Variants in MAP3K8 observed in about 807,000 individuals in gnomAD.
MAP3K8 encodes the protein mitogen-activated protein kinase kinase kinase 8.
MAP3K8 carries 22 observed loss-of-function variants against 45.8 expected under a neutral mutation model. That is an observed-to-expected ratio of 0.48 (90% CI 0.34 to 0.69). The LOEUF is 0.69. Among genes scored for constraint, MAP3K8 ranks in the 30% least tolerant of loss-of-function variants. The pLI is 0.01. For synonymous variants in MAP3K8, 223 were observed against 214.3 expected (o/e 1.04, Z -0.36); for missense variants, 419 against 585.0 (o/e 0.72, Z 2.93).
intron 6 of MAP3K8, among the ~76,000 whole-genome samples, chr10:30,457,678 C>T (rs1454277056): frequency 6.6e-6 from 1 of 152,140 alleles, no homozygotes; most frequent in African/African-American, 2.4e-5. Flanking sequence ...CTGAGTCTCG[C>T]TCTGTCTCCC....
In MAP3K8 at chr10:30,458,247, TTCAACCA is replaced by T; in HGVS notation, c.1026+12_1026+18del. 1.3e-6 allele frequency: 1 copy of T among 787,738 alleles called. No homozygotes were observed. Among genetic ancestry groups the T allele is most frequent in the South Asian group, 1.7e-5 (1 of 58,922 alleles). The allele number at this position is 787,738 out of a possible 1,614,324, so 48.8% of individuals were successfully genotyped here. A position where few individuals can be genotyped will look rare whatever the true frequency, so the allele number is the denominator to read the frequency against. On this transcript the variant is annotated intron_variant, in intron 7 of 8. Coordinates refer to ENST00000263056, the MANE Select transcript of MAP3K8 (RefSeq NM_005204.4). ...TCCTACCTGTACATAGTAAGTGGGG[TTCAACCA>T]GGGCTGGGGGCGGCGGGGGGGGGCG...
In MAP3K8 at chr10:30,460,887, GGTT is replaced by G. The variant is rs759145878; in HGVS notation, c.*52_*54del. 1 of 1,603,716 alleles carries G rather than the reference GGTT, an allele frequency of 6.2e-7. No individual in the cohort carries two copies. The highest frequency in any genetic ancestry group is 2.2e-5 in the East Asian group (1 of 44,782). On this transcript the variant is annotated 3_prime_UTR_variant, in exon 9 of 9. Coordinates refer to ENST00000263056, the MANE Select transcript of MAP3K8 (RefSeq NM_005204.4). ...AGACAGCATTGATCTCCTGGAGGCTGGTTCTGCTGCCTCTACACAGGGGCCCTG... is the reference window on the plus strand; with the variant it reads ...AGACAGCATTGATCTCCTGGAGGCTGCTGCTGCCTCTACACAGGGGCCCTG...
intron 6 of MAP3K8, among the ~76,000 whole-genome samples, chr10:30,452,157 GA>G (rs1836562479): frequency 6.6e-6 from 1 of 151,180 alleles, no homozygotes; most frequent in Admixed American, 6.6e-5. Flanking sequence ...ATCATAGCAA[GA>G]CCCCATCTCT....
intron 6 of MAP3K8, among the ~76,000 whole-genome samples, chr10:30,454,740 G>A (rs1432492125): frequency 1.3e-5 from 2 of 151,892 alleles, no homozygotes; most frequent in Non-Finnish European, 2.9e-5. Flanking sequence ...TATTCAGAAG[G>A]GAAGCTGTAC....
intron 6 of MAP3K8, among the ~76,000 whole-genome samples, chr10:30,457,084 G>GAA (rs778731032): frequency 7.5e-6 from 1 of 134,070 alleles, no homozygotes. Context: ...ACCCCATCTC[G>GAA]AAAAAAAAAA....
In MAP3K8 at chr10:30,459,488, T is replaced by C. The variant is rs1836858671; in HGVS notation, c.1260T>C (p.Pro420=). The change falls in exon 8 of 9, where the codon CCT becomes CCC. Residue 420 remains proline, a synonymous_variant. Transcript: ENST00000263056. The stretch of plus-strand genomic sequence containing the variant: ...TGAGTAGGAAGGAGCTGGAACTTCC[T>C]GAGAACATTGCTGGTAGGGACACCC... The part of the protein sequence containing the change: ...RLLSRKELEL[P]ENIADSSCTG... The C allele has an allele frequency of 4.3e-6, 7 of 1,613,790 alleles. No individual in the cohort carries two copies. In the East Asian group the frequency reaches 1.3e-4, roughly 31 times the overall value.
chr10:30,434,496 G>A (rs1564361004), intron 1 of MAP3K8, 118 bp downstream of exon 1: 1 of 985,590 alleles, frequency 1.0e-6, no homozygotes, highest in African/African-American at 1.7e-5. Flanking sequence ...CTCTGGCGTG[G>A]GAAGAGGTGG....
chr10:30,448,202 A>G (rs1269507624), intron 4 of MAP3K8, among the ~76,000 whole-genome samples: 1 of 152,134 alleles, frequency 6.6e-6, no homozygotes, highest in Non-Finnish European at 1.5e-5. Context: ...TAAAGCACTG[A>G]TTTGGATAAA....
In MAP3K8 at chr10:30,460,893, G is replaced by T. The variant is rs1836917398; in HGVS notation, c.*57G>T. The T allele has an allele frequency of 6.2e-7, 1 of 1,600,668 alleles. No homozygotes were observed. Among genetic ancestry groups the T allele is most frequent in the African/African-American group, 1.3e-5 (1 of 74,854 alleles). On this transcript the variant is annotated 3_prime_UTR_variant, in exon 9 of 9. Transcript: ENST00000263056. ...CATTGATCTCCTGGAGGCTGGTTCT[G>T]CTGCCTCTACACAGGGGCCCTGTAC...
chr10:30,453,770 G>A (rs8177060), intron 6 of MAP3K8, among the ~76,000 whole-genome samples: 4,238 of 152,064 alleles, frequency 0.028, 87 homozygotes, highest in Non-Finnish European at 0.038. Flanking sequence ...TCTCACACCT[G>A]TAATCCCAAC....
intron 2 of MAP3K8, among the ~76,000 whole-genome samples, chr10:30,438,145 C>T (rs990328633): frequency 4.6e-5 from 7 of 152,154 alleles, no homozygotes; most frequent in African/African-American, 1.7e-4. Context: ...TCTAGAAGGC[C>T]ATTTATTTAG....
chr10:30,451,956 T>C (rs1836554943), intron 6 of MAP3K8, among the ~76,000 whole-genome samples: 1 of 152,138 alleles, frequency 6.6e-6, no homozygotes, highest in Non-Finnish European at 1.5e-5. Flanking sequence ...TGCTATGTTA[T>C]TTATAATACA....
At chr10:30,453,741 T>C (rs544101523) in intron 6 of MAP3K8, among the ~76,000 whole-genome samples, 7 of 151,960 alleles carry the variant, frequency 4.6e-5, no homozygotes, top group African/African-American at 1.7e-4. Flanking sequence ...GAGCAACCGT[T>C]TAGGGATGGG....
rs1554774894 is a variant in MAP3K8, at chr10:30,458,275, G to GA, written c.1026+39_1026+40insA. The GA allele has an allele frequency of 2.2e-6, 3 of 1,355,894 alleles. No homozygotes were observed. The South Asian group carries it at 4.9e-5, about 22-fold the overall frequency. The allele number at this position is 1,355,894 out of a possible 1,614,324, so 84.0% of individuals were successfully genotyped here. ...AACCAGGGCTGGGGGCGGCGGGGGG[G>GA]GGCGTTGAGTTATGCATCCCGCAGG... On this transcript the variant is annotated intron_variant, in intron 7 of 8. Transcript: ENST00000263056.
chr10:30,446,778 A>G (rs1239986198), intron 3 of MAP3K8, among the ~76,000 whole-genome samples: 3 of 152,072 alleles, frequency 2.0e-5, no homozygotes, highest in Non-Finnish European at 2.9e-5. Context: ...ATTGAAATAT[A>G]TTTTATATAT....
chr10:30,440,318 G>A (rs1454595792), intron 3 of MAP3K8, among the ~76,000 whole-genome samples: 4 of 152,168 alleles, frequency 2.6e-5, no homozygotes, highest in South Asian at 2.1e-4. Flanking sequence ...TGAAAGTGAC[G>A]CCCTTTCTTT....
chr10:30,450,723 C>A (rs1025913532), intron 5 of MAP3K8: 2 of 575,096 alleles, frequency 3.5e-6, no homozygotes, highest in Non-Finnish European at 3.1e-6. Flanking sequence ...AGATTACTTT[C>A]AACAGTTGTT....
At chr10:30,450,141 G>A (rs1324520578) in intron 4 of MAP3K8, 117 bp from the exon 5 acceptor site, 1 of 912,008 alleles carries the variant, frequency 1.1e-6, no homozygotes, top group Non-Finnish European at 1.6e-6. Flanking sequence ...TTTCACACAG[G>A]GCAGAGTATT....
intron 3 of MAP3K8, among the ~76,000 whole-genome samples, chr10:30,445,485 A>T (rs1013102348): frequency 7.2e-5 from 11 of 152,232 alleles, no homozygotes; most frequent in Non-Finnish European, 1.2e-4. Flanking sequence ...TTTCATGAAG[A>T]TGAGTTAAAC....
Sources: gnomAD v4.1 joint callset for allele counts (sites outside exome capture counted in the v4.1 genomes callset) on GRCh38, gnomAD v4.1.1 for gene constraint, MANE v1.5 for transcripts, NCBI Gene and HGNC (gene_info 2026-07-23, HGNC 2026-07-21) for gene names.